Variants in CLEC16A observed in about 807,000 individuals in gnomAD.
CLEC16A encodes the protein protein CLEC16A.
Under a neutral mutation model 109.5 loss-of-function variants are expected in CLEC16A, and 51 were observed. That is an observed-to-expected ratio of 0.47 (90% CI 0.37 to 0.59). CLEC16A has a LOEUF of 0.59. Among genes scored for constraint, CLEC16A ranks in the 20% least tolerant of loss-of-function variants. CLEC16A has a pLI of 0.00. For missense variants in CLEC16A, 1,339 were observed against 1,394.0 expected (o/e 0.96, Z 0.63); for synonymous variants, 673 against 564.2 (o/e 1.19, Z -2.73).
chr16:11,077,964 CGTGTGTGTGTGT>C lies in CLEC16A; in HGVS notation c.2116+16977_2116+16988del, dbSNP rs34576806. On this transcript the variant is annotated intron_variant, in intron 19 of 23. Transcript: ENST00000409790. ...GAAACTCCATCTCTACAAAAAAAAA[CGTGTGTGTGTGT>C]GTGTGTGTGTGTGTGTGTGTGTGTG... Among the ~76,000 whole-genome samples, 1,033 of 135,620 alleles carry C rather than the reference CGTGTGTGTGTGT, an allele frequency of 7.6e-3. 11 individuals are homozygous for C. Among genetic ancestry groups the C allele is most frequent in the Middle Eastern group, 0.03 (8 of 270 alleles). 89.0% of individuals were successfully genotyped at this position (135,620 alleles called of 152,430 possible). A position where few individuals can be genotyped will look rare whatever the true frequency, so the allele number is the denominator to read the frequency against.
chr16:11,062,462 A>G (rs1276735146), intron 19 of CLEC16A, among the ~76,000 whole-genome samples: 1 of 152,180 alleles, frequency 6.6e-6, no homozygotes, highest in African/African-American at 2.4e-5. Context: ...GTAAAACGAG[A>G]TGGTCTTTCT....
intron 10 of CLEC16A, among the ~76,000 whole-genome samples, chr16:10,991,430 A>G (rs2044003104): frequency 7.6e-6 from 1 of 132,278 alleles, no homozygotes; most frequent in Non-Finnish European, 1.5e-5. Context: ...TCTCAAAAAA[A>G]AAAAAAAAAA....
intron 22 of CLEC16A, among the ~76,000 whole-genome samples, chr16:11,144,511 G>T (rs889500947): frequency 6.6e-5 from 10 of 152,154 alleles, no homozygotes; most frequent in African/African-American, 2.4e-4. Context: ...GGGACCTACA[G>T]GCAGCCCTAA....
intron 12 of CLEC16A, among the ~76,000 whole-genome samples, chr16:11,022,337 CTT>C (rs36094157): frequency 5.8e-4 from 54 of 93,474 alleles, no homozygotes; most frequent in African/African-American, 2.6e-3. Context: ...GTCTGGCTAC[CTT>C]TTTTTTTTTT....
chr16:11,016,208 C>G (rs1234085120), intron 11 of CLEC16A, among the ~76,000 whole-genome samples: 11 of 152,056 alleles, frequency 7.2e-5, no homozygotes, highest in Non-Finnish European at 1.6e-4. Flanking sequence ...GAGGTCCATA[C>G]CCACTTTGGA....
At chr16:10,989,229 GT>G (rs35632930) in intron 10 of CLEC16A, among the ~76,000 whole-genome samples, 85,205 of 131,016 alleles carry the variant, frequency 0.65, 25,012 homozygotes, top group East Asian at 0.83. Context: ...TTTGTTTTTT[GT>G]TTTTTTTTGA....
At chr16:11,112,843 T>C (rs957920348) in intron 19 of CLEC16A, among the ~76,000 whole-genome samples, 1 of 152,226 alleles carries the variant, frequency 6.6e-6, no homozygotes, top group East Asian at 1.9e-4. Flanking sequence ...TGGAGACATC[T>C]GCCATCCTAC....
At chr16:11,099,257 C>T (rs1324696172) in intron 19 of CLEC16A, among the ~76,000 whole-genome samples, 4 of 152,210 alleles carry the variant, frequency 2.6e-5, no homozygotes, top group East Asian at 1.9e-4. Flanking sequence ...CTGTTTCCCA[C>T]GGTCCCACAC....
chr16:11,136,617 C>A (rs1178742086), intron 22 of CLEC16A, among the ~76,000 whole-genome samples: 1 of 152,218 alleles, frequency 6.6e-6, no homozygotes, highest in Non-Finnish European at 1.5e-5. Context: ...GCTGCAGTGG[C>A]ACAGAGTTGC....
chr16:11,109,409 C>G (rs1234800501), intron 19 of CLEC16A, among the ~76,000 whole-genome samples: 1 of 152,180 alleles, frequency 6.6e-6, no homozygotes, highest in African/African-American at 2.4e-5. Flanking sequence ...CCGCCTTGGC[C>G]TCCCAAAGTA....
chr16:11,047,531 T>C, intron 17 of CLEC16A, 189 bp downstream of exon 17: 1 of 434,566 alleles, frequency 2.3e-6, no homozygotes, highest in South Asian at 5.0e-5. Flanking sequence ...CTATATTCTC[T>C]CCCTCTAACA....
At chr16:11,071,445 C>G (rs951752905) in intron 19 of CLEC16A, among the ~76,000 whole-genome samples, 2 of 152,020 alleles carry the variant, frequency 1.3e-5, no homozygotes, top group Admixed American at 6.6e-5. Context: ...GGTACTGTTT[C>G]TAGATAATTG....
At chr16:11,118,450 C>G (rs1329005733) in intron 19 of CLEC16A, among the ~76,000 whole-genome samples, 1 of 152,202 alleles carries the variant, frequency 6.6e-6, no homozygotes, top group African/African-American at 2.4e-5. Context: ...CATCCATGTA[C>G]AACATCCACT....
At chr16:11,104,989 A>G (rs2051132187) in intron 19 of CLEC16A, among the ~76,000 whole-genome samples, 2 of 152,178 alleles carry the variant, frequency 1.3e-5, no homozygotes, top group Admixed American at 6.5e-5. Flanking sequence ...GTGAACCTAG[A>G]TTCCATGTGA....
At chr16:11,112,995 A>G (rs879372571) in intron 19 of CLEC16A, among the ~76,000 whole-genome samples, 2 of 152,212 alleles carry the variant, frequency 1.3e-5, no homozygotes, top group Non-Finnish European at 2.9e-5. Flanking sequence ...CTTAGTGCCT[A>G]GTACAGAGCC....
intron 13 of CLEC16A, among the ~76,000 whole-genome samples, chr16:11,026,538 AT>A (rs1567213148): frequency 6.8e-6 from 1 of 147,266 alleles, no homozygotes; most frequent in African/African-American, 2.5e-5. Context: ...TTAGGTCTTC[AT>A]TTTTTTTCCT....
chr16:11,161,970 A>G (rs559925207), intron 22 of CLEC16A, among the ~76,000 whole-genome samples: 3 of 152,288 alleles, frequency 2.0e-5, no homozygotes, highest in African/African-American at 7.2e-5. Context: ...AGACCTGTAG[A>G]AGAGGAGGAG....
At position 10,991,423 on chromosome 16, in the gene CLEC16A, C is replaced by CAAAA. The variant is rs756161193; in HGVS notation, c.1071+8453_1071+8456dup. On this transcript the variant is annotated intron_variant, in intron 10 of 23. Coordinates refer to ENST00000409790, the MANE Select transcript of CLEC16A (RefSeq NM_015226.3). ...TGGGCGACAGAGCAAGACTCCGTCT[C>CAAAA]AAAAAAAAAAAAAAAAAAAAAAAAG... Among the ~76,000 whole-genome samples, 68 of 63,296 alleles carry CAAAA rather than the reference C, an allele frequency of 1.1e-3. 2 individuals are homozygous for CAAAA. Among genetic ancestry groups the CAAAA allele is most frequent in the African/African-American group, 1.6e-3 (36 of 22,412 alleles). 41.5% of individuals were successfully genotyped at this position (63,296 alleles called of 152,430 possible).
intron 22 of CLEC16A, among the ~76,000 whole-genome samples, chr16:11,129,125 G>C (rs1455492502): frequency 6.6e-6 from 1 of 151,976 alleles, no homozygotes; most frequent in Non-Finnish European, 1.5e-5. Flanking sequence ...GCTCCTCTAA[G>C]CTAGCATTTC....
Sources: allele counts gnomAD v4.1 joint callset (sites outside exome capture counted in the v4.1 genomes callset), GRCh38; gene constraint gnomAD v4.1.1; transcripts MANE v1.5; gene names NCBI Gene and HGNC (gene_info 2026-07-23, HGNC 2026-07-21).